Variants in IKZF3 observed in about 807,000 individuals in gnomAD.
IKZF3 encodes IKAROS family zinc finger 3.
IKZF3 carries 10 observed loss-of-function variants against 49.0 expected under a neutral mutation model. The ratio of observed to expected loss-of-function variants is 0.20; its 90% CI spans 0.13 to 0.35. The LOEUF is 0.35. Among genes scored for constraint, IKZF3 ranks in the 10% least tolerant of loss-of-function variants. The pLI, the probability that IKZF3 is intolerant of heterozygous loss-of-function variation, is 1.00. For missense variants in IKZF3, 498 were observed against 664.8 expected (o/e 0.75, Z 2.76); for synonymous variants, 209 against 228.2 (o/e 0.92, Z 0.76).
At position 39,788,286 on chromosome 17, in the gene IKZF3, A is replaced by C; in HGVS notation, c.681T>G (p.Phe227Leu). ...LEEHKERCRT[F>L]LQSTDPGDTA... ...TGTCCCCTGGGTCAGTGCTCTGAAG[A>C]AATGTACGGCAGCGCTCCTTGTGCT... is the stretch of plus-strand genomic sequence containing the variant. The change falls in exon 6 of 8, where the codon TTT becomes TTG. Residue 227 changes from phenylalanine to leucine, a missense_variant. This residue lies in a region of IKZF3 where 317 missense variants were observed against 397.3 expected (regional missense o/e 0.80). Transcript: ENST00000346872. 1.2e-6 allele frequency: 2 copies of C among 1,613,688 alleles called. No individual in the cohort carries two copies. Among genetic ancestry groups the C allele is most frequent in the Non-Finnish European group, 1.7e-6 (2 of 1,179,654 alleles).
At chr17:39,835,982 G>C (rs1309596487) in intron 1 of IKZF3, 2 of 637,038 alleles carry the variant, frequency 3.1e-6, no homozygotes, top group South Asian at 1.5e-5. Flanking sequence ...TGTTGATGTA[G>C]CTCTTGGACA....
chr17:39,791,700 T>A, intron 4 of IKZF3, 117 bp from the exon 5 acceptor site: 2 of 1,057,834 alleles, frequency 1.9e-6, no homozygotes, highest in South Asian at 1.5e-5. Context: ...CACATTGGGA[T>A]CAGTTGGGAG....
rs919605495 is a variant in IKZF3, at chr17:39,762,450, G to C, written c.*3340C>G. 1 of 152,152 alleles carries C rather than the reference G, an allele frequency of 6.6e-6. No homozygotes were observed. The highest frequency in any genetic ancestry group is 2.4e-5 in the African/African-American group (1 of 41,416). The allele number at this position is 152,152 out of a possible 1,614,324, so 9.4% of individuals were successfully genotyped here. On this transcript the variant is annotated 3_prime_UTR_variant, in exon 8 of 8. Coordinates refer to ENST00000346872, the MANE Select transcript of IKZF3 (RefSeq NM_012481.5). ...CACAAAGAAAGTGCCTTTGTGAGTG[G>C]TCACCTTACTCAGAAAACTAACCTC...
chr17:39,839,707 C>T (rs1404484237), intron 1 of IKZF3, among the ~76,000 whole-genome samples: 2 of 151,936 alleles, frequency 1.3e-5, no homozygotes, highest in South Asian at 2.1e-4. Flanking sequence ...CCTGAGTAGC[C>T]GGGACTATAG....
rs1465013679 is a variant in IKZF3 at position 39,829,432 on chromosome 17, C to T, written c.118G>A (p.Val40Met). The T allele has an allele frequency of 9.3e-6, 15 of 1,614,112 alleles. No homozygotes were observed. Among genetic ancestry groups the T allele is most frequent in the East Asian group, 2.2e-5 (1 of 44,874 alleles). Residue 40 changes from valine (V) to methionine (M), a missense_variant, in exon 3 of 8, where the codon GTG (valine) becomes ATG (methionine). By Grantham distance (21) the Val-to-Met change is conservative. Coordinates refer to ENST00000346872, the MANE Select transcript of IKZF3 (RefSeq NM_012481.5). ...SLTKSHEMEN[V>M]DSGEGPANED... ...TTGGCTGGGCCTTCTCCACTGTCCA[C>T]ATTTTCCATTTCATGAGATTTGGTT...
chr17:39,852,253 AC>A lies in IKZF3; in HGVS notation c.7+11866del, dbSNP rs779633044. ...AACATCCCACTGATTTCTCTTCTTC[AC>A]CCTCATAGCTAAACTTCTGGAAAAA... On this transcript the variant is annotated intron_variant, in intron 1 of 7. Coordinates refer to ENST00000346872, the MANE Select transcript of IKZF3 (RefSeq NM_012481.5). Among the ~76,000 whole-genome samples, 434 of 152,086 alleles carry A rather than the reference AC, an allele frequency of 2.9e-3. 7 individuals are homozygous for A. Among genetic ancestry groups the A allele is most frequent in the Admixed American group, 5.7e-3 (87 of 15,268 alleles).
At chr17:39,773,981 A>C (rs976141283) in intron 7 of IKZF3, among the ~76,000 whole-genome samples, 9 of 152,304 alleles carry the variant, frequency 5.9e-5, no homozygotes, top group African/African-American at 1.9e-4. Flanking sequence ...AAGACATACA[A>C]AATTTCTTGG....
At chr17:39,811,362 GGAAA>G (rs1016950057) in intron 3 of IKZF3, among the ~76,000 whole-genome samples, 63 of 147,882 alleles carry the variant, frequency 4.3e-4, no homozygotes, top group Admixed American at 2.5e-3. Flanking sequence ...AGACAGAAAG[GGAAA>G]GAAAGAAGGA....
chr17:39,862,259 T>C (rs2063233076), intron 1 of IKZF3, among the ~76,000 whole-genome samples: 1 of 152,200 alleles, frequency 6.6e-6, no homozygotes, highest in Non-Finnish European at 1.5e-5. Flanking sequence ...AATGAATTTG[T>C]TAAATGACTT....
intron 6 of IKZF3, among the ~76,000 whole-genome samples, chr17:39,779,627 T>C (rs569766284): frequency 1.3e-5 from 2 of 150,668 alleles, no homozygotes; most frequent in Non-Finnish European, 3.0e-5. Flanking sequence ...ACACATATAG[T>C]CTCTATGTTA....
At position 39,813,430 on chromosome 17, in the gene IKZF3, A is replaced by C. The variant is rs557388086; in HGVS notation, c.163+15957T>G. Among the ~76,000 whole-genome samples, 11 of 152,158 alleles carry C rather than the reference A, an allele frequency of 7.2e-5. No individual in the cohort carries two copies. In the South Asian group the frequency reaches 1.7e-3, roughly 23 times the overall value. ...GAAGCCAAGGCAGGAGGATTGATTG[A>C]GTCCAAAAGTTTGAGACTAGCCTGG... is the stretch of plus-strand genomic sequence containing the variant. On this transcript the variant is annotated intron_variant, in intron 3 of 7. Transcript: ENST00000346872.
intron 6 of IKZF3, among the ~76,000 whole-genome samples, chr17:39,779,396 G>A (rs2060671793): frequency 6.6e-6 from 1 of 152,118 alleles, no homozygotes; most frequent in Admixed American, 6.5e-5. Context: ...AGGAGGCAGA[G>A]GTTGTGGTGA....
intron 1 of IKZF3, among the ~76,000 whole-genome samples, chr17:39,852,350 T>C (rs529150370): frequency 6.6e-6 from 1 of 152,170 alleles, no homozygotes; most frequent in East Asian, 1.9e-4. Flanking sequence ...TTGGTTTCCA[T>C]CCCCACCACT....
At chr17:39,816,558 G>A (rs961422057) in intron 3 of IKZF3, among the ~76,000 whole-genome samples, 1 of 152,198 alleles carries the variant, frequency 6.6e-6, no homozygotes, top group Non-Finnish European at 1.5e-5. Context: ...AACAGAGATT[G>A]TATAGCCCAC....
chr17:39,838,807 G>C (rs1338476201), intron 1 of IKZF3, among the ~76,000 whole-genome samples: 1 of 152,044 alleles, frequency 6.6e-6, no homozygotes, highest in East Asian at 1.9e-4. Flanking sequence ...AATTCTATAT[G>C]TTCCTCTGAA....
chr17:39,788,282 G>A lies in IKZF3; in HGVS notation c.685C>T (p.Gln229Ter). The A allele has an allele frequency of 6.2e-7, 1 of 1,613,396 alleles. No individual in the cohort carries two copies. Among genetic ancestry groups the A allele is most frequent in the Non-Finnish European group, 8.5e-7 (1 of 1,179,456 alleles). ...EHKERCRTFL[Q>*]STDPGDTASA... Reference sequence around the variant, plus strand: ...CCAGTGTCCCCTGGGTCAGTGCTCTGAAGAAATGTACGGCAGCGCTCCTTG... The same window carrying A: ...CCAGTGTCCCCTGGGTCAGTGCTCTAAAGAAATGTACGGCAGCGCTCCTTG... Residue 229 changes from glutamine to a stop codon, truncating the protein, a stop_gained, in exon 6 of 8, where the codon CAG becomes TAG. Coordinates refer to ENST00000346872, the MANE Select transcript of IKZF3 (RefSeq NM_012481.5). LOFTEE classifies it high-confidence loss of function.
At chr17:39,820,586 C>G (rs1164160084) in intron 3 of IKZF3, among the ~76,000 whole-genome samples, 1 of 152,108 alleles carries the variant, frequency 6.6e-6, no homozygotes, top group Non-Finnish European at 1.5e-5. Context: ...TTGGAATTTC[C>G]TAAGTGATAG....
chr17:39,855,274 A>C (rs1309678098), intron 1 of IKZF3, among the ~76,000 whole-genome samples: 1 of 152,212 alleles, frequency 6.6e-6, no homozygotes, highest in Non-Finnish European at 1.5e-5. Flanking sequence ...TTTTGTGTCT[A>C]ATCCTAACTC....
rs191896497 is a variant in IKZF3 at position 39,760,343 on chromosome 17, G to A, written c.*5447C>T. 3 of 149,986 alleles carry A rather than the reference G, an allele frequency of 2.0e-5. No homozygotes were observed. The highest frequency in any genetic ancestry group is 4.9e-5 in the African/African-American group (2 of 40,780). 9.3% of individuals were successfully genotyped at this position (149,986 alleles called of 1,614,324 possible). A position where few individuals can be genotyped will look rare whatever the true frequency, so the allele number is the denominator to read the frequency against. On this transcript the variant is annotated 3_prime_UTR_variant, in exon 8 of 8. Coordinates refer to ENST00000346872, the MANE Select transcript of IKZF3 (RefSeq NM_012481.5). ...AGCTAATTTTTGTATTTTTTTTTTC[G>A]AGATGGAGTCTCACTCTGTCACCCA... is the stretch of plus-strand genomic sequence containing the variant.
Sources: allele counts gnomAD v4.1 joint callset (sites outside exome capture counted in the v4.1 genomes callset), GRCh38; gene constraint gnomAD v4.1.1; regional missense constraint gnomAD v4.1.1; transcripts MANE v1.5; gene names NCBI Gene and HGNC (gene_info 2026-07-23, HGNC 2026-07-21).